AK5: variants seen among roughly 807,000 people sequenced by gnomAD.
AK5 encodes adenylate kinase isoenzyme 5.
Under a neutral mutation model 69.5 loss-of-function variants are expected in AK5, and 27 were observed. The ratio of observed to expected loss-of-function variants is 0.39; its 90% CI spans 0.29 to 0.54. The LOEUF (loss-of-function observed/expected upper bound fraction) is 0.54. Among genes scored for constraint, AK5 ranks in the 20% least tolerant of loss-of-function variants. The probability of loss-of-function intolerance (pLI) is 0.71; values close to 1 mark genes in which losing one functional copy is unlikely to be tolerated. For synonymous variants in AK5, 260 were observed against 244.4 expected, an observed-to-expected ratio of 1.06 and a Z score of -0.60; for missense variants, 531 against 700.4, an observed-to-expected ratio of 0.76 and a Z score of 2.73.
intron 8 of AK5, among the ~76,000 whole-genome samples, chr1:77,438,321 A>C (rs1652095358): frequency 7.2e-6 from 1 of 138,158 alleles, no homozygotes; most frequent in Admixed American, 7.4e-5. Flanking sequence ...AAAAAAAAAA[A>C]AAACAAGCTT....
intron 10 of AK5, 147 bp from the exon 11 acceptor site, chr1:77,518,417 C>G: frequency 2.5e-6 from 2 of 792,710 alleles, no homozygotes; most frequent in Non-Finnish European, 4.0e-6. Flanking sequence ...ATCCACCACT[C>G]TCAGCACAGC....
chr1:77,498,923 A>T (rs1248966060), intron 10 of AK5, among the ~76,000 whole-genome samples: 2 of 152,230 alleles, frequency 1.3e-5, no homozygotes, highest in Non-Finnish European at 2.9e-5. Flanking sequence ...TTTCACCTAC[A>T]ACCAGCTGTA....
intron 6 of AK5, among the ~76,000 whole-genome samples, chr1:77,368,703 C>G (rs558618355): frequency 1.3e-5 from 2 of 152,090 alleles, no homozygotes; most frequent in African/African-American, 4.8e-5. Context: ...ACGGGTTGAG[C>G]CTTCCTAATC....
At position 77,417,687 on chromosome 1, in the gene AK5, T is replaced by C. The variant is rs769195186; in HGVS notation, c.1031T>C (p.Ile344Thr). 5 of 1,607,520 alleles carry C rather than the reference T, an allele frequency of 3.1e-6. No individual in the cohort carries two copies. Among genetic ancestry groups the C allele is most frequent in the South Asian group, 2.2e-5 (2 of 90,512 alleles). The change falls in exon 8 of 14, where the codon ATT becomes ACT. Residue 344 changes from isoleucine to threonine, a missense_variant. Ile to Thr is a moderately conservative substitution (Grantham distance 89). Coordinates refer to ENST00000354567, the MANE Select transcript of AK5 (RefSeq NM_174858.3). ...ATGATATTGGACACTGGAGAGATCA[T>C]TGATACAGGATCTGATTATGAAGAT... ...PSMILDTGEI[I>T]DTGSDYEDQG...
rs1471353191 is a variant in AK5 at position 77,559,276 on chromosome 1, GCT to G, written c.*607_*608del. 2 of 152,168 alleles carry G rather than the reference GCT, an allele frequency of 1.3e-5. No homozygotes were observed. Among genetic ancestry groups the G allele is most frequent in the Non-Finnish European group, 2.9e-5 (2 of 68,044 alleles). The allele number at this position is 152,168 out of a possible 1,614,324, so 9.4% of individuals were successfully genotyped here. On this transcript the variant is annotated 3_prime_UTR_variant, in exon 14 of 14. Coordinates refer to ENST00000354567, the MANE Select transcript of AK5 (RefSeq NM_174858.3). ...AAATTTTAAAATATGAAGATGTATAGCTTTCCCAAGATGATGGTAAAACCCAG... is the reference window on the plus strand; with the variant it reads ...AAATTTTAAAATATGAAGATGTATAGTTCCCAAGATGATGGTAAAACCCAG...
intron 2 of AK5, 75 bp downstream of exon 2, chr1:77,287,202 C>A (rs988651925): frequency 1.9e-6 from 2 of 1,075,054 alleles, no homozygotes; most frequent in Admixed American, 6.5e-5. Context: ...ATAGACTATA[C>A]ACAGTGATTT....
At chr1:77,361,387 C>T (rs887191660) in intron 6 of AK5, among the ~76,000 whole-genome samples, 1 of 152,102 alleles carries the variant, frequency 6.6e-6, no homozygotes, top group East Asian at 1.9e-4. Flanking sequence ...TTTAGTTTCT[C>T]CATCTCTAGA....
chr1:77,439,629 C>A (rs1204255003), intron 8 of AK5, among the ~76,000 whole-genome samples: 2 of 152,044 alleles, frequency 1.3e-5, no homozygotes, highest in Non-Finnish European at 2.9e-5. Context: ...TTAGCCCTTG[C>A]ATATGAGTCA....
chr1:77,537,294 G>A (rs1453492687), intron 13 of AK5, among the ~76,000 whole-genome samples: 4 of 152,080 alleles, frequency 2.6e-5, no homozygotes, highest in Admixed American at 6.6e-5. Flanking sequence ...AACTCCACGA[G>A]GCTGTGACAT....
chr1:77,282,375 T>A lies in AK5; in HGVS notation c.60+2T>A. On this transcript the variant is annotated splice_donor_variant, in intron 1 of 13. Coordinates refer to ENST00000354567, the MANE Select transcript of AK5 (RefSeq NM_174858.3). LOFTEE classifies it high-confidence loss of function. ...AGGGAAATCCCTCAGCTTTTTGAGG[T>A]AGGGCTAGAGCTGGCCGACGGGCGG... The A allele has an allele frequency of 6.5e-7, 1 of 1,548,882 alleles. No homozygotes were observed. The highest frequency in any genetic ancestry group is 8.7e-7 in the Non-Finnish European group (1 of 1,146,464).
chr1:77,540,792 C>G (rs1659225879), intron 13 of AK5: 1 of 152,228 alleles, frequency 6.6e-6, no homozygotes, highest in African/African-American at 2.4e-5. Flanking sequence ...GTAACACATA[C>G]TTGCTTTATA....
intron 8 of AK5, among the ~76,000 whole-genome samples, chr1:77,444,453 ATACATAGTATAAATATATAC>A (rs1381375329): frequency 6.7e-5 from 2 of 29,816 alleles, no homozygotes; most frequent in African/African-American, 3.6e-4. Flanking sequence ...TATATAGTAT[ATACATAGTATAAATATATAC>A]TATATATAGT....
chr1:77,495,772 T>A (rs974000985), intron 10 of AK5, among the ~76,000 whole-genome samples: 1 of 152,090 alleles, frequency 6.6e-6, no homozygotes, highest in East Asian at 1.9e-4. Flanking sequence ...CTCCCCTGTA[T>A]ACTGATCTCA....
intron 8 of AK5, among the ~76,000 whole-genome samples, chr1:77,464,296 G>GC (rs1379724438): frequency 6.6e-6 from 1 of 152,138 alleles, no homozygotes; most frequent in African/African-American, 2.4e-5. Context: ...AAGAGGAGGG[G>GC]CCAGGCTCCT....
rs970599444 is a variant in AK5, at chr1:77,368,320, A to G, written c.891+27752A>G. 4.9e-4 allele frequency among the ~76,000 whole-genome samples: 60 copies of G among 121,970 alleles called. 1 individual carries two copies. The highest frequency in any genetic ancestry group is 2.0e-3 in the African/African-American group (59 of 29,318). The allele number at this position is 121,970 out of a possible 152,430, so 80.0% of individuals were successfully genotyped here. ...TATATATAATATATATGTTATATAT[A>G]ATATATATGTTATATATGTTATATA... On this transcript the variant is annotated intron_variant, in intron 6 of 13. Coordinates refer to ENST00000354567, the MANE Select transcript of AK5 (RefSeq NM_174858.3).
At chr1:77,490,538 G>C (rs1655918921) in intron 10 of AK5, among the ~76,000 whole-genome samples, 1 of 152,188 alleles carries the variant, frequency 6.6e-6, no homozygotes, top group African/African-American at 2.4e-5. Context: ...AAAAAACAAA[G>C]AAGGGATTCC....
intron 5 of AK5, among the ~76,000 whole-genome samples, chr1:77,337,339 G>A (rs569443607): frequency 1.2e-4 from 18 of 152,188 alleles, no homozygotes; most frequent in African/African-American, 3.4e-4. Flanking sequence ...AACACAAAAT[G>A]TATTAAAGTA....
At chr1:77,408,887 A>G (rs1649838919) in intron 6 of AK5, among the ~76,000 whole-genome samples, 2 of 152,084 alleles carry the variant, frequency 1.3e-5, no homozygotes, top group African/African-American at 4.8e-5. Flanking sequence ...TCTAATAGTT[A>G]TATTTTCTGC....
At chr1:77,538,362 A>AC (rs778046603) in intron 13 of AK5, among the ~76,000 whole-genome samples, 40 of 145,074 alleles carry the variant, frequency 2.8e-4, no homozygotes, top group Non-Finnish European at 4.8e-4. Context: ...AACAACAACA[A>AC]AAAAAAAAAA....
Sources: gnomAD v4.1 joint callset for allele counts (sites outside exome capture counted in the v4.1 genomes callset) on GRCh38, gnomAD v4.1.1 for gene constraint, MANE v1.5 for transcripts, NCBI Gene and HGNC (gene_info 2026-07-23, HGNC 2026-07-21) for gene names.